The following ASIC2 variants were observed in gnomAD, a reference collection of about 807,000 sequenced individuals.
The protein encoded by ASIC2 is acid-sensing ion channel 2.
In ASIC2, 25 loss-of-function variants were observed where a neutral mutation model predicts 57.3. That is an observed-to-expected ratio of 0.44 (90% CI 0.32 to 0.61). ASIC2 has a LOEUF of 0.61. Among genes scored for constraint, ASIC2 ranks in the 20% least tolerant of loss-of-function variants. The probability of loss-of-function intolerance (pLI) is 0.06; values close to 1 mark genes in which losing one functional copy is unlikely to be tolerated. For synonymous variants in ASIC2, 319 were observed against 307.5 expected (o/e 1.04, Z -0.39); for missense variants, 641 against 738.1 (o/e 0.87, Z 1.52).
chr17:33,947,461 A>G (rs424389), intron 1 of ASIC2, among the ~76,000 whole-genome samples: 2,013 of 152,352 alleles, frequency 0.013, 24 homozygotes, highest in Middle Eastern at 0.02. Context: ...CTGTGGGAAC[A>G]TAGAAGAGGA....
chr17:33,137,090 C>G (rs994130152), intron 1 of ASIC2, among the ~76,000 whole-genome samples: 1 of 152,154 alleles, frequency 6.6e-6, no homozygotes, highest in African/African-American at 2.4e-5. Context: ...TGTTCCTACA[C>G]GGGACAGCCG....
At chr17:33,251,625 C>A (rs1172966991) in intron 1 of ASIC2, among the ~76,000 whole-genome samples, 2 of 152,142 alleles carry the variant, frequency 1.3e-5, no homozygotes, top group Non-Finnish European at 2.9e-5. Flanking sequence ...ACCACACTGG[C>A]CTCAGGTACC....
At chr17:33,832,766 A>G (rs559943922) in intron 1 of ASIC2, among the ~76,000 whole-genome samples, 28 of 152,356 alleles carry the variant, frequency 1.8e-4, no homozygotes, top group African/African-American at 6.7e-4. Context: ...CTCCAGATCA[A>G]TGTATATAAA....
At chr17:33,651,317 T>C (rs944745912) in intron 1 of ASIC2, among the ~76,000 whole-genome samples, 18 of 152,238 alleles carry the variant, frequency 1.2e-4, no homozygotes, top group African/African-American at 4.1e-4. Flanking sequence ...GAACTTTTCG[T>C]ATTAATTCTG....
chr17:33,518,982 A>AG, intron 1 of ASIC2, among the ~76,000 whole-genome samples: 1 of 151,954 alleles, frequency 6.6e-6, no homozygotes, highest in Non-Finnish European at 1.5e-5. Flanking sequence ...CACTGCGTCC[A>AG]GCTAATTTTT....
chr17:34,132,819 T>C (rs574992627), intron 1 of ASIC2, among the ~76,000 whole-genome samples: 55 of 152,298 alleles, frequency 3.6e-4, no homozygotes, highest in Non-Finnish European at 6.6e-4. Flanking sequence ...TTATAAGCTG[T>C]GAAGTCTCAG....
chr17:33,752,811 A>G (rs1910475726), intron 1 of ASIC2, among the ~76,000 whole-genome samples: 1 of 152,248 alleles, frequency 6.6e-6, no homozygotes, highest in African/African-American at 2.4e-5. Context: ...GATGCTGGTG[A>G]GGAGGTGGAG....
chr17:33,038,606 A>G (rs1212160252), intron 3 of ASIC2, among the ~76,000 whole-genome samples: 1 of 152,190 alleles, frequency 6.6e-6, no homozygotes, highest in Non-Finnish European at 1.5e-5. Context: ...CCACTGTGCT[A>G]TGGAACTGGA....
intron 1 of ASIC2, among the ~76,000 whole-genome samples, chr17:33,737,919 T>C (rs1909972651): frequency 6.6e-6 from 1 of 152,082 alleles, no homozygotes; most frequent in African/African-American, 2.4e-5. Context: ...TCATTCCAAC[T>C]TTCCAGAGAA....
At chr17:33,464,291 C>T (rs1383123815) in intron 1 of ASIC2, among the ~76,000 whole-genome samples, 1 of 152,126 alleles carries the variant, frequency 6.6e-6, no homozygotes, top group Non-Finnish European at 1.5e-5. Context: ...TCCCAGGCTC[C>T]CTTGGTTGGA....
intron 1 of ASIC2, among the ~76,000 whole-genome samples, chr17:34,136,292 C>A (rs563769913): frequency 1.3e-5 from 2 of 152,212 alleles, no homozygotes; most frequent in African/African-American, 4.8e-5. Flanking sequence ...GCAAAGCCAT[C>A]TCTTATGGGG....
chr17:33,435,399 T>C (rs1018867606), intron 1 of ASIC2, among the ~76,000 whole-genome samples: 1 of 152,110 alleles, frequency 6.6e-6, no homozygotes, highest in Non-Finnish European at 1.5e-5. Context: ...AGGTACCAAC[T>C]GAAAAAGCAT....
intron 1 of ASIC2, among the ~76,000 whole-genome samples, chr17:33,875,593 G>A (rs1914526460): frequency 6.6e-6 from 1 of 152,152 alleles, no homozygotes; most frequent in African/African-American, 2.4e-5. Flanking sequence ...AGACTTTGGG[G>A]AGCCAAGTTC....
rs115457770 is a variant in ASIC2 at position 33,238,155 on chromosome 17, C to A, written c.708+53253G>T. On this transcript the variant is annotated intron_variant, in intron 1 of 9. Transcript: ENST00000225823. The stretch of plus-strand genomic sequence containing the variant: ...AAAGCACCATTTCTCTACCTGATTT[C>A]ATTACCACTCGGGCCTGAAGTCACG... 3.3e-3 allele frequency among the ~76,000 whole-genome samples: 504 copies of A among 152,336 alleles called. 4 individuals are homozygous for A. The highest frequency in any genetic ancestry group is 0.011 in the African/African-American group (466 of 41,564).
chr17:33,159,131 A>G (rs1476996164), intron 1 of ASIC2, among the ~76,000 whole-genome samples: 1 of 152,136 alleles, frequency 6.6e-6, no homozygotes, highest in East Asian at 1.9e-4. Flanking sequence ...GTAATGATAA[A>G]TTACCATTAG....
chr17:33,510,556 C>T (rs934604372), intron 1 of ASIC2, among the ~76,000 whole-genome samples: 13 of 152,088 alleles, frequency 8.5e-5, no homozygotes, highest in Admixed American at 6.5e-4. Flanking sequence ...TGCCTGAGCC[C>T]AGGAGGTCGA....
chr17:33,948,373 C>G (rs1035342082), intron 1 of ASIC2, among the ~76,000 whole-genome samples: 2 of 152,182 alleles, frequency 1.3e-5, no homozygotes, highest in Non-Finnish European at 1.5e-5. Context: ...GTCAGTGAAG[C>G]CTTTAGAGAT....
intron 1 of ASIC2, among the ~76,000 whole-genome samples, chr17:33,395,238 A>T (rs1490271612): frequency 6.7e-6 from 1 of 150,264 alleles, no homozygotes; most frequent in East Asian, 2.0e-4. Context: ...CCATCTTTCC[A>T]TCTGTATTAG....
chr17:33,803,934 A>G (rs1255889655), intron 1 of ASIC2, among the ~76,000 whole-genome samples: 1 of 152,168 alleles, frequency 6.6e-6, no homozygotes. Flanking sequence ...TGATTTCCTC[A>G]GCTTTAATAG....
Sources: gnomAD v4.1 joint callset for allele counts (sites outside exome capture counted in the v4.1 genomes callset) on GRCh38, gnomAD v4.1.1 for gene constraint, MANE v1.5 for transcripts, NCBI Gene and HGNC (gene_info 2026-07-23, HGNC 2026-07-21) for gene names.